Variants in B4GALNT2 observed in about 807,000 individuals in gnomAD.
B4GALNT2 encodes beta-1,4-N-acetyl-galactosaminyltransferase 2 (SID blood group).
B4GALNT2 carries 42 observed loss-of-function variants against 51.1 expected under a neutral mutation model. The ratio of observed to expected loss-of-function variants is 0.82; its 90% confidence interval spans 0.64 to 1.06. The LOEUF (loss-of-function observed/expected upper bound fraction) is 1.06. B4GALNT2 is among the 50% of genes least tolerant of loss of function. B4GALNT2 has a pLI of 0.00. For synonymous variants in B4GALNT2, 253 were observed against 251.7 expected, an observed-to-expected ratio of 1.01 and a Z score of -0.05; for missense variants, 602 against 633.6, an observed-to-expected ratio of 0.95 and a Z score of 0.54.
intron 1 of B4GALNT2, among the ~76,000 whole-genome samples, chr17:49,140,754 C>G (rs539513557): frequency 4.8e-4 from 64 of 133,438 alleles, no homozygotes; most frequent in African/African-American, 1.7e-3. Context: ...GAGTCTCGCT[C>G]TGTCGCCAGG....
Position 49,173,014 on chromosome 17 carries a change from G to A in B4GALNT2, c.*3286G>A, listed in dbSNP as rs575320301. On this transcript the variant is annotated 3_prime_UTR_variant, in exon 11 of 11. Coordinates refer to ENST00000393354, the MANE Select transcript of B4GALNT2 (RefSeq NM_001159387.2). Reference sequence around the variant, plus strand: ...CTTTAGCTTCTTTCCAGGTAATGCCGTATCTGTGTTTGAGACCAGAGGCAT... The same window carrying A: ...CTTTAGCTTCTTTCCAGGTAATGCCATATCTGTGTTTGAGACCAGAGGCAT... The A allele has an allele frequency of 5.9e-5, 9 of 152,242 alleles. No homozygotes were observed. Among genetic ancestry groups the A allele is most frequent in the African/African-American group, 1.2e-4 (5 of 41,458 alleles). The allele number at this position is 152,242 out of a possible 1,614,324, so 9.4% of individuals were successfully genotyped here. A position where few individuals can be genotyped will look rare whatever the true frequency, so the allele number is the denominator to read the frequency against.
At chr17:49,125,942 G>A in the B4GALNT2 span, among the ~76,000 whole-genome samples, 74,706 of 146,936 alleles carry the variant, frequency 0.51, 19,358 homozygotes, top group Middle Eastern at 0.65. Flanking sequence ...CTGCCCGACC[G>A]CCCCTACTGG....
At chr17:49,145,449 G>A (rs1215896924) in intron 3 of B4GALNT2, among the ~76,000 whole-genome samples, 1 of 152,170 alleles carries the variant, frequency 6.6e-6, no homozygotes, top group African/African-American at 2.4e-5. Context: ...GCACAAACAT[G>A]TTTTTAACAA....
intron 9 of B4GALNT2, among the ~76,000 whole-genome samples, chr17:49,167,018 A>G (rs1349782980): frequency 1.3e-5 from 2 of 152,174 alleles, no homozygotes; most frequent in Admixed American, 1.3e-4. Flanking sequence ...GTAGAAAAGA[A>G]AAAGGGGCAT....
At chr17:49,146,061 T>A (rs2042692166) in intron 3 of B4GALNT2, among the ~76,000 whole-genome samples, 1 of 152,136 alleles carries the variant, frequency 6.6e-6, no homozygotes, top group Non-Finnish European at 1.5e-5. Context: ...CTACTTCCCC[T>A]CTTTGATTCC....
intron 3 of B4GALNT2, among the ~76,000 whole-genome samples, chr17:49,144,802 TTATTAAG>T (rs1477795583): frequency 1.3e-5 from 2 of 151,918 alleles, no homozygotes; most frequent in Non-Finnish European, 2.9e-5. Flanking sequence ...GAGAGAGAAT[TTATTAAG>T]TATTAACTTA....
intron 4 of B4GALNT2, among the ~76,000 whole-genome samples, chr17:49,153,304 A>G (rs2042777184): frequency 6.6e-6 from 1 of 151,820 alleles, no homozygotes; most frequent in Admixed American, 6.6e-5. Flanking sequence ...AGTCCCAACT[A>G]CTTGTGGGGT....
At chr17:49,166,284 C>A in intron 9 of B4GALNT2, 30 bp downstream of exon 9, 1 of 1,439,720 alleles carries the variant, frequency 6.9e-7, no homozygotes, top group Non-Finnish European at 9.3e-7. Flanking sequence ...TTCACCCAGC[C>A]ACAATCTGTA....
chr17:49,171,557 G>C lies in B4GALNT2; in HGVS notation c.*1829G>C, dbSNP rs1046525376. 2.4e-6 allele frequency: 1 copy of C among 421,020 alleles called. No individual in the cohort carries two copies. Among genetic ancestry groups the C allele is most frequent in the Non-Finnish European group, 4.6e-6 (1 of 216,288 alleles). The allele number at this position is 421,020 out of a possible 1,614,324, so 26.1% of individuals were successfully genotyped here. On this transcript the variant is annotated 3_prime_UTR_variant, in exon 11 of 11. Coordinates refer to ENST00000393354, the MANE Select transcript of B4GALNT2 (RefSeq NM_001159387.2). ...AATCCTTATGTTTAGCTTCTACAGT[G>C]GACCATATCATTTGAGGTTGAGGTG...
chr17:49,164,058 G>T, intron 7 of B4GALNT2, 30 bp from the exon 8 acceptor site: 1 of 1,602,388 alleles, frequency 6.2e-7, no homozygotes, highest in South Asian at 1.1e-5. Context: ...CTACAGGACA[G>T]AGCTCTGACA....
intron 6 of B4GALNT2, 141 bp downstream of exon 6, chr17:49,159,358 T>C: frequency 1.6e-6 from 1 of 635,916 alleles, no homozygotes; most frequent in Non-Finnish European, 2.4e-6. Context: ...GTTTTGTTTT[T>C]TGAGACGGAG....
At chr17:49,130,060 G>T (rs1199802813), upstream of B4GALNT2, among the ~76,000 whole-genome samples, 1 of 152,202 alleles carries the variant, frequency 6.6e-6, no homozygotes, top group Non-Finnish European at 1.5e-5. Context: ...AGCTGAAAAA[G>T]AGTAAATATT....
intron 1 of B4GALNT2, among the ~76,000 whole-genome samples, chr17:49,134,540 G>T (rs2042573027): frequency 1.3e-5 from 2 of 151,980 alleles, no homozygotes; most frequent in Admixed American, 1.3e-4. Context: ...GAATAGCTGG[G>T]ATTACAGGCG....
intron 1 of B4GALNT2, among the ~76,000 whole-genome samples, chr17:49,134,464 A>G (rs2042572008): frequency 2.0e-5 from 3 of 151,716 alleles, no homozygotes; most frequent in Non-Finnish European, 4.4e-5. Flanking sequence ...GAGTGCAGTG[A>G]TGCGATCTCG....
chr17:49,150,177 C>T (rs1294410369), intron 3 of B4GALNT2, among the ~76,000 whole-genome samples: 6 of 130,332 alleles, frequency 4.6e-5, no homozygotes, highest in Non-Finnish European at 9.8e-5. Context: ...TCCGGCCAGC[C>T]GCCCCGTCCG....
At chr17:49,131,136 A>T (rs148158847), upstream of B4GALNT2, among the ~76,000 whole-genome samples, 165 of 152,310 alleles carry the variant, frequency 1.1e-3, no homozygotes, top group African/African-American at 3.6e-3. Flanking sequence ...GTGTTATTAC[A>T]AGAGCTGAAT....
At chr17:49,132,287 C>G (rs146739631), upstream of B4GALNT2, among the ~76,000 whole-genome samples, 291 of 152,258 alleles carry the variant, frequency 1.9e-3, no homozygotes, top group African/African-American at 6.4e-3. Flanking sequence ...GGCACACAGG[C>G]GTTATGTGGC....
At chr17:49,139,543 T>TG (rs2042621027) in intron 1 of B4GALNT2, among the ~76,000 whole-genome samples, 1 of 152,156 alleles carries the variant, frequency 6.6e-6, no homozygotes, top group Non-Finnish European at 1.5e-5. Flanking sequence ...TTTTTAGAGA[T>TG]GGGGTCTCAG....
chr17:49,123,617 G>A, the B4GALNT2 span, among the ~76,000 whole-genome samples: 1 of 152,152 alleles, frequency 6.6e-6, no homozygotes, highest in Non-Finnish European at 1.5e-5. Flanking sequence ...TTTTAAATTG[G>A]CATTGATGGA....
Sources: allele counts gnomAD v4.1 joint callset (sites outside exome capture counted in the v4.1 genomes callset), GRCh38; gene constraint gnomAD v4.1.1; transcripts MANE v1.5; gene names NCBI Gene and HGNC (gene_info 2026-07-23, HGNC 2026-07-21).